The following ADCY3 variants were observed in gnomAD, a reference collection of about 807,000 sequenced individuals.
ADCY3 encodes adenylate cyclase type 3.
A neutral mutation model predicts 119.4 loss-of-function variants in ADCY3; 70 were observed. That is an observed-to-expected ratio of 0.59 (90% CI 0.48 to 0.72). The LOEUF is 0.72. ADCY3 is among the 30% of genes least tolerant of loss of function. The pLI is 0.00. For missense variants in ADCY3, 1,238 were observed against 1,541.6 expected (o/e 0.80, Z 3.30); for synonymous variants, 672 against 621.4 (o/e 1.08, Z -1.21).
intron 3 of ADCY3, among the ~76,000 whole-genome samples, chr2:24,843,760 C>T (rs563939337): frequency 1.3e-5 from 2 of 152,316 alleles, no homozygotes; most frequent in East Asian, 3.9e-4. Context: ...CTGCAGGCAG[C>T]GCTCAGGAGA....
Position 24,820,724 on chromosome 2 carries a change from C to A in ADCY3, c.3252G>T (p.Gln1084His). 6.2e-7 allele frequency: 1 copy of A among 1,614,054 alleles called. No individual in the cohort carries two copies. The highest frequency in any genetic ancestry group is 8.5e-7 in the Non-Finnish European group (1 of 1,179,980). Reference sequence around the variant, plus strand: ...GTGCCAGCTGTGCCACTGGACATACCTGAATGTTGCCCATGACCCCCGTGG... The same window carrying A: ...GTGCCAGCTGTGCCACTGGACATACATGAATGTTGCCCATGACCCCCGTGG... Reference protein sequence around the residue: ...MESTGVMGNIQVVEETQVILR... With the variant: ...MESTGVMGNIHVVEETQVILR... Residue 1084 changes from glutamine to histidine, a missense_variant and splice_region_variant, in exon 21 of 22, where the codon CAG becomes CAT. By Grantham distance (24) the Gln-to-His change is conservative. Transcript: ENST00000679454.
intron 2 of ADCY3, among the ~76,000 whole-genome samples, chr2:24,911,023 C>T (rs1320077368): frequency 6.6e-6 from 1 of 152,010 alleles, no homozygotes; most frequent in African/African-American, 2.4e-5. Flanking sequence ...ACGCCTCCTA[C>T]AGCCAGAGAA....
intron 3 of ADCY3, among the ~76,000 whole-genome samples, chr2:24,845,694 G>T (rs962823573): frequency 1.3e-5 from 2 of 152,262 alleles, no homozygotes; most frequent in African/African-American, 4.8e-5. Context: ...GCAGAAATTT[G>T]TGTAAGTAAT....
chr2:24,885,088 CA>C (rs1676879561), intron 2 of ADCY3, among the ~76,000 whole-genome samples: 1 of 152,214 alleles, frequency 6.6e-6, no homozygotes, highest in African/African-American at 2.4e-5. Context: ...CAGAGACTTC[CA>C]AATTCCAAAA....
chr2:24,868,646 A>G (rs1225269194), intron 3 of ADCY3, among the ~76,000 whole-genome samples: 2 of 151,754 alleles, frequency 1.3e-5, no homozygotes, highest in African/African-American at 2.4e-5. Flanking sequence ...AAAAACAACA[A>G]TAAAGTTCCA....
chr2:24,835,657 C>G (rs767409681), intron 9 of ADCY3, among the ~76,000 whole-genome samples: 3 of 152,012 alleles, frequency 2.0e-5, no homozygotes, highest in African/African-American at 7.2e-5. Flanking sequence ...TCCCTGGGGC[C>G]GGGCACGGTG....
Position 24,842,838 on chromosome 2 carries a change from C to T in ADCY3, c.826-454G>A, listed in dbSNP as rs566350709. On this transcript the variant is annotated intron_variant, in intron 3 of 21. Transcript: ENST00000679454. This position sits in a 1 kb window ranked among gnomAD's most constrained non-coding sequence, Gnocchi z 4.9. ...ACAGCAGACCAGGCACTACACGAGGCGCCAGCGACACAAAACCAGCAAGAA... is the reference window on the plus strand; with the variant it reads ...ACAGCAGACCAGGCACTACACGAGGTGCCAGCGACACAAAACCAGCAAGAA... 1.5e-3 allele frequency among the ~76,000 whole-genome samples: 221 copies of T among 152,306 alleles called. 1 individual carries two copies. The highest frequency in any genetic ancestry group is 5.1e-3 in the African/African-American group (214 of 41,558).
At chr2:24,886,776 C>G (rs1021866350) in intron 2 of ADCY3, among the ~76,000 whole-genome samples, 5 of 152,242 alleles carry the variant, frequency 3.3e-5, no homozygotes, top group Non-Finnish European at 7.3e-5. Flanking sequence ...CTCGGATGAG[C>G]CTGCCCTGGG....
At chr2:24,894,538 C>T (rs1190746958) in intron 2 of ADCY3, among the ~76,000 whole-genome samples, 2 of 152,014 alleles carry the variant, frequency 1.3e-5, no homozygotes, top group Admixed American at 1.3e-4. Flanking sequence ...TTCATTTCTC[C>T]CCTCCTGTCC....
Position 24,874,251 on chromosome 2 carries a change from G to A in ADCY3, c.676-1532C>T, listed in dbSNP as rs148051017. 3.3e-5 allele frequency among the ~76,000 whole-genome samples: 5 copies of A among 152,286 alleles called. No homozygotes were observed. The East Asian group carries it at 5.8e-4, about 18-fold the overall frequency. ...TCTCAGTGCTGGTCAGCAAGTCACC[G>A]GGTGTAGATTCCCAAGCTCTGCTGG... On this transcript the variant is annotated intron_variant, in intron 2 of 21. Coordinates refer to ENST00000679454, the MANE Select transcript of ADCY3 (RefSeq NM_004036.5).
chr2:24,896,462 T>C (rs1678295346), intron 2 of ADCY3, among the ~76,000 whole-genome samples: 1 of 152,228 alleles, frequency 6.6e-6, no homozygotes, highest in Non-Finnish European at 1.5e-5. Context: ...CTATTTCTAT[T>C]GACCACTTTT....
rs535235001 is a variant in ADCY3, at chr2:24,861,419, G to A, written c.825+11151C>T. Among the ~76,000 whole-genome samples, 310 of 152,216 alleles carry A rather than the reference G, an allele frequency of 2.0e-3. 4 individuals carry two copies. The highest frequency in any genetic ancestry group is 6.2e-4 in the Non-Finnish European group (42 of 68,020). ...TTAAATGGAGAATTTTCTTAAAAAA[G>A]ACATTAAGCACACATGTAAGTAAGG... On this transcript the variant is annotated intron_variant, in intron 3 of 21. Transcript: ENST00000679454.
chr2:24,914,778 T>C (rs1317123701), intron 2 of ADCY3, among the ~76,000 whole-genome samples: 1 of 150,728 alleles, frequency 6.6e-6, no homozygotes, highest in African/African-American at 2.4e-5. Context: ...TCTCAGAACA[T>C]CCTCCCCGCC....
At chr2:24,851,433 T>C (rs1051061332) in intron 3 of ADCY3, among the ~76,000 whole-genome samples, 3 of 152,096 alleles carry the variant, frequency 2.0e-5, no homozygotes, top group African/African-American at 2.4e-5. Context: ...ATCAACCCGG[T>C]ATTATTTATG....
rs144223261 is a variant in ADCY3 at position 24,838,484 on chromosome 2, C to A, written c.1494G>T (p.Glu498Asp). The change falls in exon 8 of 22, where the codon GAG (glutamate) becomes GAT (aspartate). Residue 498 changes from glutamate (E) to aspartate (D), a missense_variant. Glu to Asp is a conservative substitution (Grantham distance 45). Transcript: ENST00000679454. ...CATTCTGGGTGGCTGTTTTCTTCACCTCTGGCTTGGAGGCAATGATGAGGT... is the reference window on the plus strand; with the variant it reads ...CATTCTGGGTGGCTGTTTTCTTCACATCTGGCTTGGAGGCAATGATGAGGT... The part of the protein sequence containing the change: ...ETYLIIASKP[E>D]VKKTATQNGL... 3.7e-6 allele frequency: 6 copies of A among 1,613,836 alleles called. No individual in the cohort carries two copies. The African/African-American group carries it at 8.0e-5, about 22-fold the overall frequency.
intron 3 of ADCY3, among the ~76,000 whole-genome samples, chr2:24,871,957 C>T (rs1233509108): frequency 6.6e-6 from 1 of 152,186 alleles, no homozygotes; most frequent in Admixed American, 6.5e-5. Flanking sequence ...ACAAGGGCAT[C>T]CCCGGGGAAC....
At chr2:24,826,175 G>A in intron 15 of ADCY3, 49 bp from the exon 16 acceptor site, 2 of 1,533,426 alleles carry the variant, frequency 1.3e-6, no homozygotes, top group South Asian at 1.1e-5. Flanking sequence ...CTGCCTCCTG[G>A]AGGGGGCCTG....
In ADCY3 at chr2:24,835,078, C is replaced by T. The variant is rs534551703; in HGVS notation, c.1663-142G>A. 4.9e-4 allele frequency: 577 copies of T among 1,174,674 alleles called. 4 individuals are homozygous for T. In the African/African-American group the frequency reaches 7.8e-3, roughly 16 times the overall value. 72.8% of individuals were successfully genotyped at this position (1,174,674 alleles called of 1,614,324 possible). A position where few individuals can be genotyped will look rare whatever the true frequency, so the allele number is the denominator to read the frequency against. On this transcript the variant is annotated intron_variant, in intron 9 of 21. Transcript: ENST00000679454. ...TCCCTCCAGCTCTAAAATCCCTTTC[C>T]GGGAAGTCTTCCCCATGCTCCCACG...
intron 18 of ADCY3, 40 bp downstream of exon 18, chr2:24,823,169 C>T (rs760088030): frequency 2.1e-5 from 34 of 1,590,054 alleles, no homozygotes; most frequent in African/African-American, 8.1e-5. Context: ...TGGAATGGGC[C>T]GGCTTCATGG....
Sources: allele counts gnomAD v4.1 joint callset (sites outside exome capture counted in the v4.1 genomes callset), GRCh38; gene constraint gnomAD v4.1.1; non-coding constraint Gnocchi (gnomAD v3.1); transcripts MANE v1.5; gene names NCBI Gene and HGNC (gene_info 2026-07-23, HGNC 2026-07-21).